TJP1: variants seen among roughly 807,000 people sequenced by gnomAD.
The protein encoded by TJP1 is tight junction protein 1, also known as tight junction protein ZO-1.
TJP1 carries 43 observed loss-of-function variants against 194.2 expected under a neutral mutation model. That is an observed-to-expected ratio of 0.22 (90% CI 0.17 to 0.29). TJP1 has a LOEUF of 0.29. Ranked by LOEUF, TJP1 falls within the 10% of genes least tolerant of loss-of-function variation. The probability of loss-of-function intolerance (pLI) is 1.00; values close to 1 mark genes in which losing one functional copy is unlikely to be tolerated. For missense variants in TJP1, 1,971 were observed against 2,185.7 expected, an observed-to-expected ratio of 0.90 and a Z score of 1.96; for synonymous variants, 801 against 779.0, an observed-to-expected ratio of 1.03 and a Z score of -0.47.
At chr15:29,724,393 T>C (rs1262781733) in intron 18 of TJP1, among the ~76,000 whole-genome samples, 1 of 152,194 alleles carries the variant, frequency 6.6e-6, no homozygotes, top group East Asian at 1.9e-4. Context: ...CTCTAATCTT[T>C]AACTTGCCAG....
upstream of TJP1, among the ~76,000 whole-genome samples, chr15:29,825,836 A>C (rs1030764177): frequency 6.6e-6 from 1 of 152,182 alleles, no homozygotes; most frequent in African/African-American, 2.4e-5. Flanking sequence ...CCATACCATT[A>C]AAGATTCTAC....
intron 6 of TJP1, 78 bp downstream of exon 6, chr15:29,762,257 A>T (rs954293249): frequency 8.1e-7 from 1 of 1,233,814 alleles, no homozygotes; most frequent in African/African-American, 1.5e-5. Flanking sequence ...ACTGCTTCAA[A>T]CAAGAGCACA....
intron 2 of TJP1, among the ~76,000 whole-genome samples, chr15:29,883,933 C>G (rs373829561): frequency 7.2e-5 from 11 of 152,124 alleles, no homozygotes; most frequent in Non-Finnish European, 1.5e-4. Flanking sequence ...TATATCCACT[C>G]GTACAATGCT....
At position 29,792,720 on chromosome 15, in the gene TJP1, C is replaced by A. The variant is rs542196452; in HGVS notation, c.84+7926G>T. Among the ~76,000 whole-genome samples, 3 of 152,282 alleles carry A rather than the reference C, an allele frequency of 2.0e-5. No individual in the cohort carries two copies. In the South Asian group the frequency reaches 6.2e-4, roughly 32 times the overall value. The stretch of plus-strand genomic sequence containing the variant: ...TGTGGACATTTTAACAACACTGATT[C>A]CAACAATACTGAATCCATGACCATG... On this transcript the variant is annotated intron_variant, in intron 2 of 27. Transcript: ENST00000614355.
At chr15:29,804,029 T>TA (rs1158327795) in intron 1 of TJP1, among the ~76,000 whole-genome samples, 884 of 142,300 alleles carry the variant, frequency 6.2e-3, no homozygotes, top group Non-Finnish European at 6.9e-3. Context: ...TCCTTATCTT[T>TA]AAAAAAAAAA....
At chr15:29,822,647 A>C (rs540656176), upstream of TJP1, 14 of 233,622 alleles carry the variant, frequency 6.0e-5, no homozygotes, top group East Asian at 7.3e-4. Flanking sequence ...AGTAACTTGG[A>C]AGACAGTTTC....
At position 29,708,884 on chromosome 15, in the gene TJP1, G is replaced by T. The variant is rs367670770; in HGVS notation, c.4525C>A (p.Pro1509Thr). The stretch of plus-strand genomic sequence containing the variant: ...TGAGTCTGTTCAGTTCCATTAACTG[G>T]GGCTTTATCTGGAAAACTTTTCTGG... The part of the protein sequence containing the change: ...YPQKSFPDKA[P>T]VNGTEQTQKT... Residue 1509 changes from proline (P) to threonine (T), a missense_variant, in exon 25 of 28, where the codon CCA becomes ACA. Around this residue, in one of 5 missense-constraint regions of TJP1, gnomAD observed 1,108 missense variants for 1,128.5 expected, o/e 0.98. Transcript: ENST00000614355. 31 of 1,614,022 alleles carry T rather than the reference G, an allele frequency of 1.9e-5. No homozygotes were observed. Among genetic ancestry groups the T allele is most frequent in the Non-Finnish European group, 1.9e-5 (22 of 1,180,046 alleles).
Position 29,718,467 on chromosome 15 carries a change from C to A in TJP1, c.3675G>T (p.Pro1225=), listed in dbSNP as rs553776086. The A allele has an allele frequency of 3.1e-6, 5 of 1,614,090 alleles. No individual in the cohort carries two copies. The Admixed American group carries it at 8.3e-5, about 27-fold the overall frequency. The change falls in exon 21 of 28, where the codon CCG becomes CCT. Residue 1225 remains proline, a synonymous_variant. Coordinates refer to ENST00000614355, the MANE Select transcript of TJP1 (RefSeq NM_001330239.4). ...GCTTATGCTGAGATGAAGGTATCAG[C>A]GGAGGGACAGCTGCAGCACCATGGA... is the stretch of plus-strand genomic sequence containing the variant. The part of the protein sequence containing the change: ...EPLHGAAAVP[P]LIPSSQHKPE...
intron 2 of TJP1, among the ~76,000 whole-genome samples, chr15:29,943,628 C>CAAAAAA (rs71103417): frequency 9.8e-5 from 5 of 51,012 alleles, no homozygotes; most frequent in Admixed American, 2.9e-4. Context: ...GACTCCATCT[C>CAAAAAA]AAAAAAAAAA....
At chr15:29,760,696 A>G (rs1448046072) in intron 8 of TJP1, among the ~76,000 whole-genome samples, 1 of 152,160 alleles carries the variant, frequency 6.6e-6, no homozygotes, top group Non-Finnish European at 1.5e-5. Flanking sequence ...GTATTTTTAA[A>G]AGAGAAAACA....
At chr15:29,741,168 T>C in intron 10 of TJP1, 163 bp downstream of exon 10, 1 of 548,730 alleles carries the variant, frequency 1.8e-6, no homozygotes, top group Non-Finnish European at 3.1e-6. Flanking sequence ...TCTAACTCAC[T>C]ATCATATATA....
intron 2 of TJP1, among the ~76,000 whole-genome samples, chr15:29,777,519 CA>C (rs2047094291): frequency 6.6e-6 from 1 of 151,902 alleles, no homozygotes; most frequent in South Asian, 2.1e-4. Flanking sequence ...AAACAATTTA[CA>C]AAAGATATAT....
intron 2 of TJP1, among the ~76,000 whole-genome samples, chr15:29,941,011 A>G (rs1029372028): frequency 1.3e-5 from 2 of 152,184 alleles, no homozygotes; most frequent in African/African-American, 4.8e-5. Flanking sequence ...ACTGTCAAAA[A>G]TACATGCCAT....
chr15:29,863,340 G>A (rs1361133131), intron 2 of TJP1, among the ~76,000 whole-genome samples: 1 of 152,076 alleles, frequency 6.6e-6, no homozygotes, highest in Admixed American at 6.6e-5. Context: ...CAATATGGAC[G>A]ATGGTTTGCA....
intron 2 of TJP1, among the ~76,000 whole-genome samples, chr15:29,904,097 T>G (rs1175800797): frequency 6.6e-6 from 1 of 152,054 alleles, no homozygotes; most frequent in African/African-American, 2.4e-5. Flanking sequence ...GATCCATAGA[T>G]GTGTTTGGAT....
chr15:29,795,807 A>T (rs900647599), intron 2 of TJP1, among the ~76,000 whole-genome samples: 2 of 152,194 alleles, frequency 1.3e-5, no homozygotes, highest in African/African-American at 4.8e-5. Context: ...GATAACATGT[A>T]AACAATCAAG....
chr15:29,723,932 G>A (rs550999725), intron 18 of TJP1, among the ~76,000 whole-genome samples: 3 of 152,288 alleles, frequency 2.0e-5, no homozygotes, highest in South Asian at 2.1e-4. Flanking sequence ...CCTAGACACC[G>A]TGCTCAGTTA....
At chr15:29,746,771 G>A (rs758671898) in intron 8 of TJP1, among the ~76,000 whole-genome samples, 17 of 152,040 alleles carry the variant, frequency 1.1e-4, no homozygotes, top group Non-Finnish European at 2.2e-4. Flanking sequence ...TTCTTTCTAT[G>A]TTGTCTTCCT....
chr15:29,922,038 G>T (rs187955350), intron 2 of TJP1, among the ~76,000 whole-genome samples: 2 of 152,024 alleles, frequency 1.3e-5, no homozygotes, highest in South Asian at 2.1e-4. Flanking sequence ...GTAGAGACGG[G>T]GTTTCACCAT....
Sources: gnomAD v4.1 joint callset for allele counts (sites outside exome capture counted in the v4.1 genomes callset) on GRCh38, gnomAD v4.1.1 for gene constraint, gnomAD v4.1.1 regional missense constraint, MANE v1.5 for transcripts, NCBI Gene and HGNC (gene_info 2026-07-23, HGNC 2026-07-21) for gene names.